The following GPC5 variants were observed in gnomAD, a reference collection of about 807,000 sequenced individuals.
GPC5 encodes glypican 5, also known as glypican-5.
GPC5 carries 47 observed loss-of-function variants against 53.9 expected under a neutral mutation model. That is an observed-to-expected ratio of 0.87 (90% CI 0.69 to 1.11). GPC5 has a LOEUF of 1.11. GPC5 is among the 50% of genes most tolerant of loss of function. The pLI is 0.00. For missense variants in GPC5, 748 were observed against 713.1 expected (o/e 1.05, Z -0.56); for synonymous variants, 286 against 263.3 (o/e 1.09, Z -0.84).
At chr13:91,977,375 GA>G (rs1282218461) in intron 6 of GPC5, among the ~76,000 whole-genome samples, 1 of 152,208 alleles carries the variant, frequency 6.6e-6, no homozygotes, top group African/African-American at 2.4e-5. Context: ...GGAAAAGGAA[GA>G]AAGCAATTTG....
At chr13:92,826,915 TG>T (rs1174298577) in intron 7 of GPC5, among the ~76,000 whole-genome samples, 2 of 152,136 alleles carry the variant, frequency 1.3e-5, no homozygotes, top group African/African-American at 4.8e-5. Flanking sequence ...GCAGGAGTTT[TG>T]GGGGATATTC....
At chr13:92,153,834 T>C (rs2041923872) in intron 7 of GPC5, among the ~76,000 whole-genome samples, 1 of 152,234 alleles carries the variant, frequency 6.6e-6, no homozygotes, top group African/African-American at 2.4e-5. Flanking sequence ...AGTAATTAAC[T>C]TCTATTTCCC....
chr13:92,677,109 C>A (rs766508380), intron 7 of GPC5, among the ~76,000 whole-genome samples: 2 of 151,958 alleles, frequency 1.3e-5, no homozygotes, highest in Non-Finnish European at 2.9e-5. Context: ...AATTGAAGTA[C>A]GAAAACCTTT....
chr13:91,703,031 TTTA>T lies in GPC5; in HGVS notation c.1020+9156_1020+9158del, dbSNP rs148586543. ...CCTGTTGGTCATTTAATAAAGTTTG[TTTA>T]TTATTTGTTTACCAAATTTGTTTAT... On this transcript the variant is annotated intron_variant, in intron 3 of 7. Transcript: ENST00000377067. 4.7e-3 allele frequency among the ~76,000 whole-genome samples: 715 copies of T among 152,228 alleles called. 7 individuals carry two copies. Among genetic ancestry groups the T allele is most frequent in the African/African-American group, 0.017 (687 of 41,574 alleles).
intron 7 of GPC5, among the ~76,000 whole-genome samples, chr13:92,795,442 C>A (rs1341589934): frequency 6.6e-6 from 1 of 152,098 alleles, no homozygotes; most frequent in East Asian, 1.9e-4. Context: ...TAAAAGAAAA[C>A]CTAGGCAATA....
intron 5 of GPC5, among the ~76,000 whole-genome samples, chr13:91,835,472 A>G (rs1049858913): frequency 3.3e-5 from 5 of 152,202 alleles, no homozygotes; most frequent in African/African-American, 9.6e-5. Flanking sequence ...AATAGCAAAA[A>G]CTTGGAACCA....
At chr13:92,529,944 C>A (rs187353403) in intron 7 of GPC5, among the ~76,000 whole-genome samples, 2 of 151,968 alleles carry the variant, frequency 1.3e-5, no homozygotes, top group African/African-American at 2.4e-5. Flanking sequence ...ATTAGCCCAG[C>A]GTGGTAGTGC....
intron 7 of GPC5, among the ~76,000 whole-genome samples, chr13:92,283,228 C>T (rs989304976): frequency 1.3e-5 from 2 of 152,110 alleles, no homozygotes; most frequent in Non-Finnish European, 2.9e-5. Context: ...ACAGGAGTAA[C>T]CAGATTCATA....
chr13:92,713,215 G>T (rs1888201919), intron 7 of GPC5, among the ~76,000 whole-genome samples: 1 of 152,022 alleles, frequency 6.6e-6, no homozygotes, highest in African/African-American at 2.4e-5. Context: ...GAACTCGAAA[G>T]AAAAATCCAG....
intron 7 of GPC5, among the ~76,000 whole-genome samples, chr13:92,862,686 G>A (rs1879222026): frequency 6.6e-6 from 1 of 151,952 alleles, no homozygotes; most frequent in South Asian, 2.1e-4. Context: ...TCGTCTAAGT[G>A]TGAAGGAAAA....
intron 5 of GPC5, among the ~76,000 whole-genome samples, chr13:91,846,366 T>A (rs1036463849): frequency 6.6e-6 from 1 of 152,172 alleles, no homozygotes; most frequent in African/African-American, 2.4e-5. Context: ...TTAACCTGAT[T>A]CTGCCAGCGT....
In GPC5 at chr13:92,479,126, A is replaced by G. The variant is rs147855910; in HGVS notation, c.1561+334137A>G. ...TCCAAAAGAGTTCAGAATGAGTCAT[A>G]TAGAATTGAAAGTCCTATTTATAGA... On this transcript the variant is annotated intron_variant, in intron 7 of 7. Transcript: ENST00000377067. 3.1e-3 allele frequency among the ~76,000 whole-genome samples: 465 copies of G among 152,274 alleles called. 5 individuals are homozygous for G. The highest frequency in any genetic ancestry group is 0.01 in the African/African-American group (436 of 41,562).
At chr13:91,967,301 G>T (rs2139085269) in intron 6 of GPC5, among the ~76,000 whole-genome samples, 1 of 152,216 alleles carries the variant, frequency 6.6e-6, no homozygotes, top group East Asian at 1.9e-4. Flanking sequence ...GGAATTATGG[G>T]AGCTACAATT....
Position 92,117,539 on chromosome 13 carries a change from G to T in GPC5, c.1402-27291G>T, listed in dbSNP as rs941402709. On this transcript the variant is annotated intron_variant, in intron 6 of 7. Transcript: ENST00000377067. ...AAGAAATCCTTGTGGCATTTGATTTGCTCTTAATTTTGGTACTTAATTAGT... is the reference window on the plus strand; with the variant it reads ...AAGAAATCCTTGTGGCATTTGATTTTCTCTTAATTTTGGTACTTAATTAGT... 2.0e-5 allele frequency among the ~76,000 whole-genome samples: 3 copies of T among 152,038 alleles called. No individual in the cohort carries two copies. The South Asian group carries it at 6.2e-4, about 31-fold the overall frequency.
intron 2 of GPC5, among the ~76,000 whole-genome samples, chr13:91,656,569 T>A (rs1014717566): frequency 1.3e-5 from 2 of 152,146 alleles, no homozygotes; most frequent in African/African-American, 2.4e-5. Flanking sequence ...AATAATTTTT[T>A]AAAAAACAAC....
intron 1 of GPC5, among the ~76,000 whole-genome samples, chr13:91,436,955 C>G (rs1880026912): frequency 6.6e-6 from 1 of 152,042 alleles, no homozygotes; most frequent in South Asian, 2.1e-4. Flanking sequence ...CCTTCTTTGT[C>G]TCTTTTGATG....
At chr13:92,843,923 T>C (rs1056970276) in intron 7 of GPC5, among the ~76,000 whole-genome samples, 4 of 151,608 alleles carry the variant, frequency 2.6e-5, no homozygotes, top group African/African-American at 4.8e-5. Flanking sequence ...CAGGACCTCA[T>C]ATGTCACGAT....
chr13:91,773,313 T>C (rs1165808089), intron 5 of GPC5, among the ~76,000 whole-genome samples: 1 of 152,158 alleles, frequency 6.6e-6, no homozygotes, highest in Non-Finnish European at 1.5e-5. Flanking sequence ...TTCATACAAA[T>C]ATACATAATA....
intron 7 of GPC5, among the ~76,000 whole-genome samples, chr13:92,236,854 T>TG (rs894581260): frequency 7.2e-5 from 11 of 151,958 alleles, no homozygotes; most frequent in African/African-American, 2.2e-4. Context: ...GCATTTTTTT[T>TG]TTGTTTTGAT....
Sources: gnomAD v4.1 joint callset for allele counts (sites outside exome capture counted in the v4.1 genomes callset) on GRCh38, gnomAD v4.1.1 for gene constraint, MANE v1.5 for transcripts, NCBI Gene and HGNC (gene_info 2026-07-23, HGNC 2026-07-21) for gene names.